The following SYNPR variants were observed in gnomAD, a reference collection of about 807,000 sequenced individuals.
The protein encoded by SYNPR is synaptoporin.
Under a neutral mutation model 32.9 loss-of-function variants are expected in SYNPR, and 23 were observed. The ratio of observed to expected loss-of-function variants is 0.70; its 90% CI spans 0.50 to 0.99. The LOEUF is 0.99. SYNPR is among the 50% of genes least tolerant of loss of function. The pLI, the probability that SYNPR is intolerant of heterozygous loss-of-function variation, is 0.00. For missense variants in SYNPR, 318 were observed against 349.3 expected (o/e 0.91, Z 0.71); for synonymous variants, 146 against 135.9 (o/e 1.07, Z -0.52).
At chr3:63,438,665 C>G (rs1451381418) in intron 2 of SYNPR, among the ~76,000 whole-genome samples, 4 of 152,310 alleles carry the variant, frequency 2.6e-5, no homozygotes. Context: ...AAGTTCTGCT[C>G]TGATTCTATA....
chr3:63,470,124 C>T (rs757216518), intron 2 of SYNPR, among the ~76,000 whole-genome samples: 1 of 152,154 alleles, frequency 6.6e-6, no homozygotes, highest in Non-Finnish European at 1.5e-5. Context: ...TTAGTGGTTA[C>T]AACTAATAAC....
chr3:63,358,943 C>T (rs532257818), intron 2 of SYNPR, among the ~76,000 whole-genome samples: 93 of 152,306 alleles, frequency 6.1e-4, no homozygotes, highest in South Asian at 1.4e-3. Context: ...GCCTCTTCCA[C>T]TTTAAAATCC....
intron 2 of SYNPR, among the ~76,000 whole-genome samples, chr3:63,254,599 G>A (rs2086366327): frequency 6.6e-6 from 1 of 152,116 alleles, no homozygotes; most frequent in Non-Finnish European, 1.5e-5. Context: ...TTGCAATTGT[G>A]GGAATTTCAA....
chr3:63,321,668 T>C (rs1021945086), intron 2 of SYNPR, among the ~76,000 whole-genome samples: 1 of 152,108 alleles, frequency 6.6e-6, no homozygotes, highest in Non-Finnish European at 1.5e-5. Flanking sequence ...CAATATCACA[T>C]AGAGACACAG....
intron 4 of SYNPR, among the ~76,000 whole-genome samples, chr3:63,600,632 G>C (rs1700026626): frequency 6.6e-6 from 1 of 152,172 alleles, no homozygotes; most frequent in Non-Finnish European, 1.5e-5. Flanking sequence ...TCTCCATGCT[G>C]TTCTCATGTT....
chr3:63,490,581 C>T (rs907834278), intron 3 of SYNPR, among the ~76,000 whole-genome samples: 15 of 152,126 alleles, frequency 9.9e-5, no homozygotes, highest in Non-Finnish European at 1.6e-4. Context: ...GCGTGGTCTT[C>T]CATGCCCCAC....
chr3:63,609,332 C>A lies in SYNPR; in HGVS notation c.600+16C>A, dbSNP rs749475856. 6.6e-7 allele frequency: 1 copy of A among 1,518,588 alleles called. No homozygotes were observed. The highest frequency in any genetic ancestry group is 8.9e-7 in the Non-Finnish European group (1 of 1,129,470). 94.1% of individuals were successfully genotyped at this position (1,518,588 alleles called of 1,614,324 possible). A position where few individuals can be genotyped will look rare whatever the true frequency, so the allele number is the denominator to read the frequency against. On this transcript the variant is annotated intron_variant, in intron 5 of 5. Transcript: ENST00000478300. ...CACTTCTGTGGTAAGTATTTTTCAT[C>A]TATGCTTTACTGTTCATATCTTTGT...
chr3:63,280,734 G>A (rs1035971553), intron 2 of SYNPR, among the ~76,000 whole-genome samples: 1 of 151,888 alleles, frequency 6.6e-6, no homozygotes, highest in Admixed American at 6.6e-5. Context: ...GGGTGTGTGT[G>A]TGTGTGTGTG....
chr3:63,210,834 CTT>C, the SYNPR span, among the ~76,000 whole-genome samples: 1 of 149,366 alleles, frequency 6.7e-6, no homozygotes, highest in Admixed American at 6.7e-5. Context: ...TCCTTCCTCT[CTT>C]GTTCTCCTCA....
chr3:63,417,654 G>A (rs1560224803), intron 2 of SYNPR, among the ~76,000 whole-genome samples: 1 of 152,222 alleles, frequency 6.6e-6, no homozygotes, highest in Non-Finnish European at 1.5e-5. Context: ...AATCTAGGTG[G>A]AGGTTTCCAA....
chr3:63,555,052 T>C (rs1263620900), intron 3 of SYNPR, among the ~76,000 whole-genome samples: 2 of 152,092 alleles, frequency 1.3e-5, no homozygotes, highest in African/African-American at 2.4e-5. Context: ...CTGATTTTTG[T>C]ACCCTGATTT....
At chr3:63,465,382 A>G (rs1270476656) in intron 2 of SYNPR, among the ~76,000 whole-genome samples, 2 of 152,114 alleles carry the variant, frequency 1.3e-5, no homozygotes, top group African/African-American at 4.8e-5. Context: ...TACTTTAAGG[A>G]ATGTTCCTCT....
At chr3:63,606,438 T>TTTTTTTTTTTTTTTTTTTTTTG (rs1295928795) in intron 4 of SYNPR, among the ~76,000 whole-genome samples, 1 of 145,550 alleles carries the variant, frequency 6.9e-6, no homozygotes, top group Non-Finnish European at 1.5e-5. Flanking sequence ...TTTTTTTTTT[T>TTTTTTTTTTTTTTTTTTTTTTG]TAGCAATGAG....
At chr3:63,466,325 C>T (rs1700677843) in intron 2 of SYNPR, among the ~76,000 whole-genome samples, 1 of 152,080 alleles carries the variant, frequency 6.6e-6, no homozygotes, top group African/African-American at 2.4e-5. Context: ...GGTGCTTCCC[C>T]TAGAGAACTT....
intron 1 of SYNPR, among the ~76,000 whole-genome samples, chr3:63,240,946 T>A (rs1341194552): frequency 6.6e-6 from 1 of 152,044 alleles, no homozygotes; most frequent in Non-Finnish European, 1.5e-5. Context: ...ATGCATCTTT[T>A]GACAGCGCCA....
chr3:63,440,281 G>C (rs1288199477), intron 2 of SYNPR, among the ~76,000 whole-genome samples: 2 of 152,166 alleles, frequency 1.3e-5, no homozygotes, highest in African/African-American at 4.8e-5. Flanking sequence ...TGGCTGAAGA[G>C]TAGGAAAGGA....
At chr3:63,478,696 C>G (rs1700981576) in intron 2 of SYNPR, among the ~76,000 whole-genome samples, 1 of 152,174 alleles carries the variant, frequency 6.6e-6, no homozygotes, top group South Asian at 2.1e-4. Flanking sequence ...CATATTCCGT[C>G]TCACTTAGTT....
intron 1 of SYNPR, among the ~76,000 whole-genome samples, chr3:63,233,629 T>C (rs1291532797): frequency 6.6e-6 from 1 of 152,218 alleles, no homozygotes; most frequent in African/African-American, 2.4e-5. Context: ...CAACCTAAGT[T>C]TGATTAGAAA....
rs150087899 is a variant in SYNPR at position 63,585,455 on chromosome 3, C to CA, written c.409-23670_409-23669insA. ...TTTCCTTCTGTATATCCATGCCCCC[C>CA]CCCTCCGCCCCGCACCCACCACACA... On this transcript the variant is annotated intron_variant, in intron 4 of 5. Coordinates refer to ENST00000478300, the MANE Select transcript of SYNPR (RefSeq NM_001130003.2). Among the ~76,000 whole-genome samples, 18 of 138,148 alleles carry CA rather than the reference C, an allele frequency of 1.3e-4. 1 individual carries two copies. The highest frequency in any genetic ancestry group is 1.8e-4 in the Non-Finnish European group (11 of 62,658). 90.6% of individuals were successfully genotyped at this position (138,148 alleles called of 152,430 possible).
Sources: allele counts gnomAD v4.1 joint callset (sites outside exome capture counted in the v4.1 genomes callset), GRCh38; gene constraint gnomAD v4.1.1; transcripts MANE v1.5; gene names NCBI Gene and HGNC (gene_info 2026-07-23, HGNC 2026-07-21).